NAA16: variants seen among roughly 807,000 people sequenced by gnomAD.
The protein encoded by NAA16 is NARG1-like protein.
In NAA16, 97 loss-of-function variants were observed where a neutral mutation model predicts 110.3. That is an observed-to-expected ratio of 0.88 (90% CI 0.75 to 1.04). The LOEUF (loss-of-function observed/expected upper bound fraction) is 1.04. Ranked by LOEUF, NAA16 falls within the 50% of genes least tolerant of loss-of-function variation. NAA16 has a pLI of 0.00. For synonymous variants in NAA16, 372 were observed against 330.6 expected, an observed-to-expected ratio of 1.13 and a Z score of -1.36; for missense variants, 1,017 against 1,005.1, an observed-to-expected ratio of 1.01 and a Z score of -0.16.
At chr13:41,372,890 T>C (rs2043350453) in intron 17 of NAA16, 60 bp downstream of exon 17, 1 of 1,406,716 alleles carries the variant, frequency 7.1e-7, no homozygotes, top group Non-Finnish European at 9.4e-7. Flanking sequence ...GAGGAGGTTG[T>C]TAAATCTCTG....
Position 41,368,333 on chromosome 13 carries a change from A to G in NAA16, c.1753+681A>G, listed in dbSNP as rs116830589. ...GTAGCTGTTCATTTCTAATATTTAT[A>G]TAGTATTTAGAGATCACAGGTGTTT... is the stretch of plus-strand genomic sequence containing the variant. On this transcript the variant is annotated intron_variant, in intron 14 of 19. Transcript: ENST00000379406. Among the ~76,000 whole-genome samples, 699 of 152,256 alleles carry G rather than the reference A, an allele frequency of 4.6e-3. 1 individual carries two copies. The highest frequency in any genetic ancestry group is 0.016 in the African/African-American group (676 of 41,554).
intron 9 of NAA16, among the ~76,000 whole-genome samples, chr13:41,352,870 A>G (rs1298743807): frequency 6.6e-6 from 1 of 152,152 alleles, no homozygotes; most frequent in African/African-American, 2.4e-5. Context: ...GAAGGATTAT[A>G]TGTAACTTCA....
chr13:41,349,187 T>C (rs2139464390), intron 9 of NAA16, among the ~76,000 whole-genome samples: 1 of 152,222 alleles, frequency 6.6e-6, no homozygotes, highest in Non-Finnish European at 1.5e-5. Flanking sequence ...TCTTTTTCTT[T>C]TTTAAATCTT....
chr13:41,350,316 C>T (rs1482991615), intron 9 of NAA16, among the ~76,000 whole-genome samples: 14 of 147,772 alleles, frequency 9.5e-5, no homozygotes, highest in African/African-American at 3.0e-4. Flanking sequence ...TTTTTTGAGA[C>T]GGAGTCTCGC....
intron 8 of NAA16, 83 bp downstream of exon 8, chr13:41,331,452 T>A: frequency 3.0e-6 from 3 of 1,000,362 alleles, no homozygotes; most frequent in Non-Finnish European, 4.5e-6. Context: ...GTGTTTCTGG[T>A]ATAGAGTTTA....
chr13:41,337,385 T>C (rs144936844), intron 9 of NAA16, among the ~76,000 whole-genome samples: 7 of 151,886 alleles, frequency 4.6e-5, no homozygotes, highest in Non-Finnish European at 8.8e-5. Context: ...CTAGTAAGAA[T>C]ACAAAAAATT....
At chr13:41,368,023 C>G (rs2043241161) in intron 14 of NAA16, among the ~76,000 whole-genome samples, 1 of 152,128 alleles carries the variant, frequency 6.6e-6, no homozygotes, top group Non-Finnish European at 1.5e-5. Flanking sequence ...CATAGCATGA[C>G]CCCTGTCGCT....
chr13:41,325,498 A>G (rs978855470), intron 5 of NAA16, among the ~76,000 whole-genome samples, 200 bp from the exon 6 acceptor site: 5 of 152,140 alleles, frequency 3.3e-5, no homozygotes, highest in Non-Finnish European at 4.4e-5. Flanking sequence ...TCACTTGGGA[A>G]TAGACAGAAG....
intron 9 of NAA16, among the ~76,000 whole-genome samples, chr13:41,354,068 C>T (rs1244532329): frequency 1.3e-5 from 2 of 152,036 alleles, no homozygotes; most frequent in Non-Finnish European, 2.9e-5. Flanking sequence ...TTTTCACATT[C>T]TGCTTTTTCT....
intron 9 of NAA16, among the ~76,000 whole-genome samples, chr13:41,346,892 T>G (rs2042695082): frequency 6.6e-6 from 1 of 152,172 alleles, no homozygotes. Context: ...CCATACTGTC[T>G]TGCTTACTGT....
At position 41,358,943 on chromosome 13, in the gene NAA16, T is replaced by G. The variant is rs1181253073; in HGVS notation, c.1391T>G (p.Met464Arg). 6.2e-7 allele frequency: 1 copy of G among 1,608,858 alleles called. No homozygotes were observed. The highest frequency in any genetic ancestry group is 8.5e-7 in the Non-Finnish European group (1 of 1,176,544). Residue 464 changes from methionine (M) to arginine (R), a missense_variant, in exon 12 of 20, where the codon ATG (methionine) becomes AGG (arginine). Met to Arg is a moderately conservative substitution (Grantham distance 91). Transcript: ENST00000379406. ...RANMIKEAEEMCSKFTREGTS... is the reference protein window; with the variant it reads ...RANMIKEAEERCSKFTREGTS... Reference sequence around the variant, plus strand: ...AATATGATAAAAGAAGCAGAGGAAATGTGCTCCAAGTTCACAAGGGTAGGA... The same window carrying G: ...AATATGATAAAAGAAGCAGAGGAAAGGTGCTCCAAGTTCACAAGGGTAGGA...
intron 6 of NAA16, 91 bp from the exon 7 acceptor site, chr13:41,328,633 C>A: frequency 9.4e-7 from 1 of 1,059,522 alleles, no homozygotes; most frequent in Non-Finnish European, 1.4e-6. Flanking sequence ...GTCTTTTTAA[C>A]CATCTGTTCA....
chr13:41,327,922 A>AGAC (rs935188599), intron 6 of NAA16: 21 of 152,062 alleles, frequency 1.4e-4, no homozygotes, highest in Non-Finnish European at 2.8e-4. Flanking sequence ...ATAGTACATA[A>AGAC]GACCTGCTAT....
At chr13:41,357,905 G>A (rs577463349) in intron 10 of NAA16, among the ~76,000 whole-genome samples, 63 of 152,282 alleles carry the variant, frequency 4.1e-4, no homozygotes, top group African/African-American at 1.5e-3. Flanking sequence ...GTAAGCCATG[G>A]CAGTTTGGCA....
intron 10 of NAA16, among the ~76,000 whole-genome samples, chr13:41,356,232 G>T (rs2042981396): frequency 1.3e-5 from 2 of 152,106 alleles, no homozygotes; most frequent in African/African-American, 2.4e-5. Context: ...TTGCCATGTT[G>T]TCCAGGCTGA....
At chr13:41,328,318 G>A (rs765449158) in intron 6 of NAA16, among the ~76,000 whole-genome samples, 1 of 152,062 alleles carries the variant, frequency 6.6e-6, no homozygotes, top group Non-Finnish European at 1.5e-5. Context: ...ATTGAGTGGA[G>A]AATTAATATA....
At chr13:41,321,744 A>C (rs1197945508) in intron 4 of NAA16, among the ~76,000 whole-genome samples, 1 of 136,956 alleles carries the variant, frequency 7.3e-6, no homozygotes, top group Non-Finnish European at 1.5e-5. Flanking sequence ...CGTATCCTAG[A>C]ATCAGTATGT....
intron 14 of NAA16, 60 bp downstream of exon 14, chr13:41,367,712 C>T (rs1163621313): frequency 1.8e-5 from 19 of 1,066,834 alleles, no homozygotes; most frequent in Non-Finnish European, 2.3e-5. Flanking sequence ...ATGCCATTAG[C>T]GTAAACAATA....
chr13:41,343,394 G>A (rs551880381), intron 9 of NAA16, among the ~76,000 whole-genome samples: 1 of 152,248 alleles, frequency 6.6e-6, no homozygotes, highest in African/African-American at 2.4e-5. Context: ...CTAGCTCTAA[G>A]AGCATTTTAA....
Sources: allele counts gnomAD v4.1 joint callset (sites outside exome capture counted in the v4.1 genomes callset), GRCh38; gene constraint gnomAD v4.1.1; transcripts MANE v1.5; gene names NCBI Gene and HGNC (gene_info 2026-07-23, HGNC 2026-07-21).